WWC2: variants seen among roughly 807,000 people sequenced by gnomAD.
WWC2 encodes WW and C2 domain containing 2.
WWC2 carries 101 observed loss-of-function variants against 138.5 expected under a neutral mutation model. The observed-to-expected ratio is 0.73, with a 90% CI of 0.62 to 0.86. The LOEUF is 0.86. Among genes scored for constraint, WWC2 ranks in the 40% least tolerant of loss-of-function variants. WWC2 has a pLI of 0.00. For missense variants in WWC2, 1,420 were observed against 1,419.4 expected (o/e 1.00, Z -0.01); for synonymous variants, 558 against 538.4 (o/e 1.04, Z -0.50).
intron 4 of WWC2, among the ~76,000 whole-genome samples, chr4:183,234,093 T>C (rs758275912): frequency 3.3e-5 from 5 of 152,206 alleles, no homozygotes; most frequent in Non-Finnish European, 5.9e-5. Flanking sequence ...TTTTCCTTCA[T>C]TGTCATCTTC....
At chr4:183,220,634 A>T (rs1046310773) in intron 4 of WWC2, among the ~76,000 whole-genome samples, 32 of 152,078 alleles carry the variant, frequency 2.1e-4, no homozygotes, top group Non-Finnish European at 4.7e-4. Context: ...GGAGATTGAG[A>T]CCATCCTGGC....
At chr4:183,309,859 G>A (rs1739151124) in intron 21 of WWC2, among the ~76,000 whole-genome samples, 1 of 152,202 alleles carries the variant, frequency 6.6e-6, no homozygotes, top group Non-Finnish European at 1.5e-5. Flanking sequence ...GGTATATCCA[G>A]ACAATGGAAT....
rs960972032 is a variant in WWC2 at position 183,294,078 on chromosome 4, G to T, written c.3384+4443G>T. Reference sequence around the variant, plus strand: ...AAATATTCTAGGCTCTGGGCCATATGATCCCTGTTGCCGCTATTCAGCTCT... The same window carrying T: ...AAATATTCTAGGCTCTGGGCCATATTATCCCTGTTGCCGCTATTCAGCTCT... On this transcript the variant is annotated intron_variant, in intron 21 of 22. Transcript: ENST00000403733. Among the ~76,000 whole-genome samples the T allele has an allele frequency of 5.3e-5, 8 of 152,126 alleles. No individual in the cohort carries two copies. The East Asian group carries it at 1.5e-3, about 29-fold the overall frequency.
At chr4:183,195,643 C>T (rs1279279881) in intron 2 of WWC2, among the ~76,000 whole-genome samples, 1 of 152,154 alleles carries the variant, frequency 6.6e-6, no homozygotes, top group Non-Finnish European at 1.5e-5. Flanking sequence ...CAAAACAAAA[C>T]CAAAACTGCA....
intron 1 of WWC2, among the ~76,000 whole-genome samples, chr4:183,130,988 T>C (rs75734365): frequency 6.6e-6 from 1 of 152,248 alleles, no homozygotes; most frequent in Non-Finnish European, 1.5e-5. Context: ...AAGTGAACTA[T>C]CACTGCAATC....
At chr4:183,282,952 C>T in intron 18 of WWC2, 46 bp downstream of exon 18, 2 of 1,496,962 alleles carry the variant, frequency 1.3e-6, no homozygotes, top group Non-Finnish European at 1.8e-6. Context: ...CTTACAGGCA[C>T]CATGTGGACT....
At chr4:183,282,568 T>G in intron 17 of WWC2, 140 bp from the exon 18 acceptor site, 1 of 838,118 alleles carries the variant, frequency 1.2e-6, no homozygotes, top group Non-Finnish European at 1.8e-6. Flanking sequence ...AGACATTTAG[T>G]TAAAAACCCC....
intron 1 of WWC2, among the ~76,000 whole-genome samples, chr4:183,117,620 A>C (rs1732455168): frequency 6.6e-6 from 1 of 151,090 alleles, no homozygotes; most frequent in Non-Finnish European, 1.5e-5. Flanking sequence ...GTAAATTACA[A>C]AGCTTTTTTT....
At chr4:183,156,313 A>T (rs951151245) in intron 1 of WWC2, among the ~76,000 whole-genome samples, 1 of 147,678 alleles carries the variant, frequency 6.8e-6, no homozygotes, top group African/African-American at 2.5e-5. Context: ...GGCGTGAGCC[A>T]CCATGCCTGG....
chr4:183,169,394 A>G (rs1431723936), intron 1 of WWC2, among the ~76,000 whole-genome samples: 1 of 151,924 alleles, frequency 6.6e-6, no homozygotes, highest in Non-Finnish European at 1.5e-5. Context: ...CTGCTAGATG[A>G]ATTCTAAAAG....
chr4:183,295,750 C>G (rs543625505), intron 21 of WWC2, among the ~76,000 whole-genome samples: 8 of 152,252 alleles, frequency 5.3e-5, no homozygotes, highest in African/African-American at 1.9e-4. Context: ...AATGGCAGCG[C>G]GAGAGGAAAG....
rs571274651 is a variant in WWC2 at position 183,126,811 on chromosome 4, C to G, written c.131+27189C>G. 3.3e-4 allele frequency among the ~76,000 whole-genome samples: 50 copies of G among 152,060 alleles called. 1 individual carries two copies. The South Asian group carries it at 5.2e-3, about 16-fold the overall frequency. Reference sequence around the variant, plus strand: ...AGGCTGGAATCATGGCTCACTGCAGCCTCCACCTCCTGGCTCAAGTGATCT... The same window carrying G: ...AGGCTGGAATCATGGCTCACTGCAGGCTCCACCTCCTGGCTCAAGTGATCT... On this transcript the variant is annotated intron_variant, in intron 1 of 22. Transcript: ENST00000403733.
chr4:183,132,204 A>C (rs1365164052), intron 1 of WWC2, among the ~76,000 whole-genome samples: 3 of 152,174 alleles, frequency 2.0e-5, no homozygotes, highest in Non-Finnish European at 2.9e-5. Context: ...TTCCTTGCTT[A>C]TCCTTAATCC....
intron 1 of WWC2, among the ~76,000 whole-genome samples, chr4:183,165,771 A>G (rs1275317825): frequency 6.6e-6 from 1 of 152,216 alleles, no homozygotes; most frequent in Non-Finnish European, 1.5e-5. Context: ...TTTTTCATCC[A>G]AATCTTACAT....
intron 19 of WWC2, 70 bp downstream of exon 19, chr4:183,284,460 C>T (rs1258688084): frequency 4.5e-6 from 7 of 1,568,174 alleles, no homozygotes; most frequent in Non-Finnish European, 6.0e-6. Context: ...GAGTGGCCTG[C>T]AAAGGACAAG....
chr4:183,182,236 G>GC (rs1734652494), intron 1 of WWC2, among the ~76,000 whole-genome samples: 1 of 152,094 alleles, frequency 6.6e-6, no homozygotes, highest in Non-Finnish European at 1.5e-5. Flanking sequence ...AGAAAGGTGT[G>GC]CCATGTGTCA....
chr4:183,247,987 T>C (rs1452627490), intron 6 of WWC2, among the ~76,000 whole-genome samples: 1 of 151,918 alleles, frequency 6.6e-6, no homozygotes, highest in East Asian at 1.9e-4. Flanking sequence ...TTTTATTGTT[T>C]TAAGTAATTC....
intron 21 of WWC2, among the ~76,000 whole-genome samples, chr4:183,295,240 T>C (rs1738596403): frequency 1.3e-5 from 2 of 152,226 alleles, no homozygotes; most frequent in African/African-American, 4.8e-5. Context: ...CTTTTTTTCC[T>C]TTGGTATTCC....
At chr4:183,154,887 C>G (rs1733753675) in intron 1 of WWC2, among the ~76,000 whole-genome samples, 1 of 152,212 alleles carries the variant, frequency 6.6e-6, no homozygotes, top group South Asian at 2.1e-4. Flanking sequence ...GCCCCTCTCT[C>G]AGACCGCAGA....
Sources: allele counts gnomAD v4.1 joint callset (sites outside exome capture counted in the v4.1 genomes callset), GRCh38; gene constraint gnomAD v4.1.1; transcripts MANE v1.5; gene names NCBI Gene and HGNC (gene_info 2026-07-23, HGNC 2026-07-21).